Variants in EPG5 observed in about 807,000 individuals in gnomAD.
EPG5 encodes the protein ectopic P granules protein 5 homolog.
In EPG5, 159 loss-of-function variants were observed where a neutral mutation model predicts 302.7. The observed-to-expected ratio is 0.53, with a 90% CI of 0.46 to 0.60. The LOEUF is 0.60. Among genes scored for constraint, EPG5 ranks in the 20% least tolerant of loss-of-function variants. The pLI is 0.00. For synonymous variants in EPG5, 1,158 were observed against 1,136.8 expected (o/e 1.02, Z -0.37); for missense variants, 2,896 against 3,092.4 (o/e 0.94, Z 1.51).
chr18:45,955,609 G>T (rs901687189), intron 1 of EPG5, among the ~76,000 whole-genome samples: 6 of 152,156 alleles, frequency 3.9e-5, no homozygotes, highest in Non-Finnish European at 8.8e-5. Context: ...AGCAAATTCT[G>T]ATTCAAAAAA....
chr18:45,924,956 G>C (rs1254522226), intron 14 of EPG5, among the ~76,000 whole-genome samples: 1 of 152,182 alleles, frequency 6.6e-6, no homozygotes, highest in Non-Finnish European at 1.5e-5. Flanking sequence ...AGCAACTAAG[G>C]CCCAAAGAGT....
At position 45,954,656 on chromosome 18, in the gene EPG5, T is replaced by C; in HGVS notation, c.746A>G (p.Gln249Arg). The C allele has an allele frequency of 1.2e-6, 2 of 1,614,274 alleles. No homozygotes were observed. Among genetic ancestry groups the C allele is most frequent in the Non-Finnish European group, 1.7e-6 (2 of 1,180,048 alleles). ...TTTAGTAAATGGTACTAGTTCCAGTTGAGACGGGAGTTCTGGGTAGAGTCG... is the reference window on the plus strand; with the variant it reads ...TTTAGTAAATGGTACTAGTTCCAGTCGAGACGGGAGTTCTGGGTAGAGTCG... ...SERLYPELPSQLELVPFTKEQ... is the reference protein window; with the variant it reads ...SERLYPELPSRLELVPFTKEQ... Residue 249 changes from glutamine to arginine, a missense_variant, in exon 2 of 44, where the codon CAA (glutamine) becomes CGA (arginine). Coordinates refer to ENST00000282041, the MANE Select transcript of EPG5 (RefSeq NM_020964.3).
In EPG5 at chr18:45,857,928, A is replaced by C. The variant is rs758865215; in HGVS notation, c.7367T>G (p.Leu2456Arg). The change falls in exon 42 of 44, where the codon CTC becomes CGC. Residue 2456 changes from leucine to arginine, a missense_variant. By Grantham distance (102) the Leu-to-Arg change is moderately radical (BLOSUM62 -2). Coordinates refer to ENST00000282041, the MANE Select transcript of EPG5 (RefSeq NM_020964.3). ...ILLLVQSRQN[L>R]VAEERLSSGI... is the part of the protein sequence containing the mutation. Reference sequence around the variant, plus strand: ...AGAGCTGAGTCTCTCCTCAGCCACGAGGTTCTGCCTGCTCTGAACCAAGAG... The same window carrying C: ...AGAGCTGAGTCTCTCCTCAGCCACGCGGTTCTGCCTGCTCTGAACCAAGAG... 6 of 1,613,026 alleles carry C rather than the reference A, an allele frequency of 3.7e-6. No homozygotes were observed. In the South Asian group the frequency reaches 5.5e-5, roughly 15 times the overall value.
At chr18:45,841,633 C>T in the EPG5 span, among the ~76,000 whole-genome samples, 1 of 152,116 alleles carries the variant, frequency 6.6e-6, no homozygotes, top group Non-Finnish European at 1.5e-5. Context: ...GGGCAGCACA[C>T]AGTGTGAGAG....
At chr18:45,948,998 T>C (rs1222809636) in intron 5 of EPG5, among the ~76,000 whole-genome samples, 1 of 152,190 alleles carries the variant, frequency 6.6e-6, no homozygotes, top group African/African-American at 2.4e-5. Context: ...AGTAACAAAA[T>C]GACCCAAAGG....
At chr18:45,928,223 A>AG (rs958622598) in intron 13 of EPG5, among the ~76,000 whole-genome samples, 5 of 152,162 alleles carry the variant, frequency 3.3e-5, no homozygotes, top group Non-Finnish European at 7.4e-5. Context: ...CAAAAAAAAA[A>AG]AAAGTGATAG....
intron 27 of EPG5, among the ~76,000 whole-genome samples, chr18:45,893,996 G>A (rs545267582): frequency 6.6e-6 from 1 of 152,272 alleles, no homozygotes; most frequent in African/African-American, 2.4e-5. Flanking sequence ...AGCACTGACT[G>A]TATGAGGCAC....
At chr18:45,822,714 TG>T in the EPG5 span, among the ~76,000 whole-genome samples, 5,304 of 152,250 alleles carry the variant, frequency 0.035, 128 homozygotes, top group Middle Eastern at 0.088. Flanking sequence ...AATTAAAAAT[TG>T]AAGATTTTTA....
At chr18:45,959,559 T>A (rs1212634655) in intron 1 of EPG5, among the ~76,000 whole-genome samples, 2 of 149,346 alleles carry the variant, frequency 1.3e-5, no homozygotes, top group African/African-American at 5.0e-5. Flanking sequence ...GACAGGAGAA[T>A]CACTTGAACC....
chr18:45,902,924 G>A (rs906691907), intron 25 of EPG5, among the ~76,000 whole-genome samples: 2 of 152,198 alleles, frequency 1.3e-5, no homozygotes, highest in Admixed American at 6.5e-5. Flanking sequence ...TAGGGTTTTT[G>A]TGAGGACTGA....
chr18:45,838,810 C>A, the EPG5 span: 1 of 1,559,406 alleles, frequency 6.4e-7, no homozygotes, highest in Non-Finnish European at 8.6e-7. Context: ...GCCGCCCGCC[C>A]TCGCCTGGTC....
intron 36 of EPG5, among the ~76,000 whole-genome samples, chr18:45,869,897 C>T (rs1424893770): frequency 6.7e-6 from 1 of 149,748 alleles, no homozygotes; most frequent in Non-Finnish European, 1.5e-5. Context: ...TGAACTGAAA[C>T]TACCATAAAA....
intron 7 of EPG5, among the ~76,000 whole-genome samples, chr18:45,945,360 T>C (rs1167408039): frequency 1.3e-5 from 2 of 152,140 alleles, no homozygotes; most frequent in Non-Finnish European, 2.9e-5. Context: ...TTCTAGTATA[T>C]AGCTAGTAAC....
chr18:45,964,184 T>A (rs1437056895), intron 1 of EPG5, among the ~76,000 whole-genome samples: 4 of 152,180 alleles, frequency 2.6e-5, no homozygotes, highest in African/African-American at 9.7e-5. Flanking sequence ...ACTTTTTAAT[T>A]TAGAAATTGT....
At chr18:45,913,132 T>C (rs917458459) in intron 21 of EPG5, among the ~76,000 whole-genome samples, 3 of 151,898 alleles carry the variant, frequency 2.0e-5, no homozygotes, top group Non-Finnish European at 2.9e-5. Flanking sequence ...AATGTCACTA[T>C]GTGACTGTCA....
At chr18:45,816,112 C>A in the EPG5 span, among the ~76,000 whole-genome samples, 1 of 152,148 alleles carries the variant, frequency 6.6e-6, no homozygotes, top group Non-Finnish European at 1.5e-5. Flanking sequence ...ACTGGATCCT[C>A]ATCTCTCACC....
At chr18:45,944,223 GAT>G in intron 7 of EPG5, 104 bp from the exon 8 acceptor site, 1 of 705,460 alleles carries the variant, frequency 1.4e-6, no homozygotes, top group South Asian at 1.6e-5. Context: ...GTATACATGT[GAT>G]ATCCTCATGA....
chr18:45,946,235 T>C (rs558178434), intron 7 of EPG5, among the ~76,000 whole-genome samples: 41 of 152,350 alleles, frequency 2.7e-4, no homozygotes, highest in African/African-American at 8.9e-4. Flanking sequence ...AGGGAAAACT[T>C]TGCTAAGCTC....
intron 43 of EPG5, among the ~76,000 whole-genome samples, chr18:45,853,955 T>C (rs1405958695): frequency 6.6e-6 from 1 of 152,188 alleles, no homozygotes; most frequent in East Asian, 1.9e-4. Flanking sequence ...TTTCTTCAAA[T>C]CTGAAAATCC....
Sources: gnomAD v4.1 joint callset for allele counts (sites outside exome capture counted in the v4.1 genomes callset) on GRCh38, gnomAD v4.1.1 for gene constraint, MANE v1.5 for transcripts, NCBI Gene and HGNC (gene_info 2026-07-23, HGNC 2026-07-21) for gene names.